The following EHHADH variants were observed in gnomAD, a reference collection of about 807,000 sequenced individuals.
The protein encoded by EHHADH is peroxisomal bifunctional enzyme.
EHHADH carries 48 observed loss-of-function variants against 64.4 expected under a neutral mutation model. The ratio of observed to expected loss-of-function variants is 0.75; its 90% CI spans 0.59 to 0.95. The LOEUF is 0.95. Ranked by LOEUF, EHHADH falls within the 40% of genes least tolerant of loss-of-function variation. The probability of loss-of-function intolerance (pLI) is 0.00; values close to 1 mark genes in which losing one functional copy is unlikely to be tolerated. For missense variants in EHHADH, 854 were observed against 876.6 expected (o/e 0.97, Z 0.33); for synonymous variants, 308 against 326.7 (o/e 0.94, Z 0.62).
rs1242114143 is a variant in EHHADH at position 185,193,485 on chromosome 3, A to C, written c.913T>G (p.Leu305Val). 6.2e-7 allele frequency: 1 copy of C among 1,611,292 alleles called. No individual in the cohort carries two copies. The highest frequency in any genetic ancestry group is 1.1e-5 in the South Asian group (1 of 90,356). The change falls in exon 7 of 7, where the codon TTG (leucine) becomes GTG (valine). Residue 305 changes from leucine (L) to valine (V), a missense_variant and splice_region_variant. Coordinates refer to ENST00000231887, the MANE Select transcript of EHHADH (RefSeq NM_001966.4). ...ACAATGCCTCGGCCCATTGTTCCCA[A>C]GCCTGCAGATAAAAATCAAAGGAGA... ...RPVSSVGVVGLGTMGRGIVIS... is the reference protein window; with the variant it reads ...RPVSSVGVVGVGTMGRGIVIS...
intron 2 of EHHADH, chr3:185,245,439 G>GA (rs1189929326): frequency 1.2e-6 from 1 of 824,562 alleles, no homozygotes; most frequent in African/African-American, 1.8e-5. Flanking sequence ...AACACGCTTT[G>GA]AAAAATCAGT....
intron 4 of EHHADH, among the ~76,000 whole-genome samples, chr3:185,219,130 T>C (rs1224090629): frequency 6.6e-6 from 1 of 152,220 alleles, no homozygotes; most frequent in African/African-American, 2.4e-5. Flanking sequence ...TTCTATAAGG[T>C]ATAATTAAAA....
chr3:185,234,153 T>A (rs1017773811), intron 3 of EHHADH, among the ~76,000 whole-genome samples: 1 of 152,158 alleles, frequency 6.6e-6, no homozygotes, highest in Non-Finnish European at 1.5e-5. Flanking sequence ...AAAAATATAT[T>A]AATTACAAAA....
intron 6 of EHHADH, among the ~76,000 whole-genome samples, chr3:185,198,506 C>A (rs779984634): frequency 5.3e-5 from 8 of 151,680 alleles, no homozygotes; most frequent in Non-Finnish European, 8.8e-5. Flanking sequence ...CAGGGGTGAG[C>A]CACTGTGCTC....
chr3:185,212,568 T>C (rs1291856212), intron 5 of EHHADH, among the ~76,000 whole-genome samples: 3 of 152,222 alleles, frequency 2.0e-5, no homozygotes, highest in Admixed American at 1.3e-4. Context: ...TCTTTCGTTG[T>C]TGTTGTTGTT....
intron 5 of EHHADH, among the ~76,000 whole-genome samples, chr3:185,210,511 G>C (rs1718511872): frequency 6.6e-6 from 1 of 151,848 alleles, no homozygotes; most frequent in African/African-American, 2.4e-5. Flanking sequence ...GGTGCCTGTA[G>C]TCTCAGCTAC....
At chr3:185,236,562 T>G (rs1211311435) in intron 2 of EHHADH, among the ~76,000 whole-genome samples, 1 of 152,218 alleles carries the variant, frequency 6.6e-6, no homozygotes, top group East Asian at 1.9e-4. Context: ...ATCTATTCTT[T>G]GAAAACACTA....
chr3:185,205,682 G>A (rs770139686), intron 5 of EHHADH, among the ~76,000 whole-genome samples: 1 of 152,104 alleles, frequency 6.6e-6, no homozygotes, highest in Non-Finnish European at 1.5e-5. Flanking sequence ...TGCTCAGTGA[G>A]AAATGGGAAA....
Position 185,199,939 on chromosome 3 carries a change from C to A in EHHADH, c.910+4477G>T, listed in dbSNP as rs372125699. Among the ~76,000 whole-genome samples the A allele has an allele frequency of 3.7e-4, 56 of 152,164 alleles. No individual in the cohort carries two copies. In the East Asian group the frequency reaches 8.3e-3, roughly 23 times the overall value. ...GGCTGTTTTTGTGCACAACGGTAGA[C>A]GTGGGTAGTTGCAACAGAGACTGTA... On this transcript the variant is annotated intron_variant, in intron 6 of 6. Coordinates refer to ENST00000231887, the MANE Select transcript of EHHADH (RefSeq NM_001966.4).
chr3:185,206,528 A>G (rs571276200), intron 5 of EHHADH, among the ~76,000 whole-genome samples: 1 of 152,194 alleles, frequency 6.6e-6, no homozygotes, highest in South Asian at 2.1e-4. Context: ...AAGGATATCA[A>G]TAAGAAAATG....
chr3:185,219,159 A>G (rs1451862874), intron 4 of EHHADH, among the ~76,000 whole-genome samples: 1 of 152,244 alleles, frequency 6.6e-6, no homozygotes, highest in Non-Finnish European at 1.5e-5. Flanking sequence ...GACAAATGGG[A>G]TGGATTTCTG....
At position 185,192,570 on chromosome 3, in the gene EHHADH, C is replaced by T. The variant is rs1034027178; in HGVS notation, c.1828G>A (p.Glu610Lys). 1 of 1,614,124 alleles carries T rather than the reference C, an allele frequency of 6.2e-7. No individual in the cohort carries two copies. Among genetic ancestry groups the T allele is most frequent in the Non-Finnish European group, 8.5e-7 (1 of 1,180,030 alleles). Reference sequence around the variant, plus strand: ...TCATCCTGGCTAATGGTACGTGGTTCAATGTGATGGGTTTTTCTATACCGT... The same window carrying T: ...TCATCCTGGCTAATGGTACGTGGTTTAATGTGATGGGTTTTTCTATACCGT... ...LSRYRKTHHI[E>K]PRTISQDEIL... The change falls in exon 7 of 7, where the codon GAA becomes AAA. Residue 610 changes from glutamate to lysine, a missense_variant. Physicochemically the swap from Glu to Lys is moderately conservative, Grantham distance 56. Transcript: ENST00000231887.
chr3:185,251,850 T>C (rs1294733431), intron 1 of EHHADH, among the ~76,000 whole-genome samples: 2 of 152,210 alleles, frequency 1.3e-5, no homozygotes, highest in African/African-American at 4.8e-5. Context: ...GAAGTACTTA[T>C]TCCCAAGTGG....
intron 2 of EHHADH, chr3:185,246,019 A>G (rs1201692308): frequency 1.5e-6 from 2 of 1,364,376 alleles, no homozygotes; most frequent in African/African-American, 1.4e-5. Flanking sequence ...CTAGAGCTTC[A>G]TCTTTCTCTA....
intron 2 of EHHADH, among the ~76,000 whole-genome samples, 193 bp from the exon 3 acceptor site, chr3:185,235,655 T>C (rs1719271382): frequency 6.6e-6 from 1 of 152,186 alleles, no homozygotes; most frequent in Non-Finnish European, 1.5e-5. Flanking sequence ...AAAACAAGTA[T>C]ATTGGAGAAT....
At chr3:185,223,176 C>G (rs1291085812) in intron 4 of EHHADH, among the ~76,000 whole-genome samples, 2 of 152,090 alleles carry the variant, frequency 1.3e-5, no homozygotes, top group African/African-American at 4.8e-5. Context: ...TGTCTGCTAT[C>G]TTCATTTACA....
intron 2 of EHHADH, among the ~76,000 whole-genome samples, chr3:185,237,415 A>G (rs1448572675): frequency 6.6e-6 from 1 of 152,198 alleles, no homozygotes; most frequent in Non-Finnish European, 1.5e-5. Flanking sequence ...AGAAATAGTG[A>G]GAGCAGTCAG....
At position 185,248,398 on chromosome 3, in the gene EHHADH, G is replaced by A. The variant is rs768787180; in HGVS notation, c.178+16C>T. The A allele has an allele frequency of 2.5e-6, 4 of 1,570,158 alleles. No individual in the cohort carries two copies. Among genetic ancestry groups the A allele is most frequent in the Non-Finnish European group, 1.8e-6 (2 of 1,140,014 alleles). Reference sequence around the variant, plus strand: ...TGGATTCCAGAGATGGTGGGAGAGGGTTAGACTTGAGTTACCTGCAGAAAA... The same window carrying A: ...TGGATTCCAGAGATGGTGGGAGAGGATTAGACTTGAGTTACCTGCAGAAAA... On this transcript the variant is annotated intron_variant, in intron 2 of 6. Transcript: ENST00000231887.
chr3:185,232,811 G>A (rs1421046250), intron 3 of EHHADH, among the ~76,000 whole-genome samples: 1 of 152,210 alleles, frequency 6.6e-6, no homozygotes, highest in Non-Finnish European at 1.5e-5. Context: ...AGCCACAGAG[G>A]CCAGAAGGCA....
Sources: allele counts gnomAD v4.1 joint callset (sites outside exome capture counted in the v4.1 genomes callset), GRCh38; gene constraint gnomAD v4.1.1; transcripts MANE v1.5; gene names NCBI Gene and HGNC (gene_info 2026-07-23, HGNC 2026-07-21).